LRP2: variants seen among roughly 807,000 people sequenced by gnomAD.
LRP2 encodes LDL receptor related protein 2, also known as low-density lipoprotein receptor-related protein 2.
Under a neutral mutation model 531.0 loss-of-function variants are expected in LRP2, and 172 were observed. The ratio of observed to expected loss-of-function variants is 0.32; its 90% confidence interval spans 0.29 to 0.37. The LOEUF is 0.37. LRP2 is among the 10% of genes least tolerant of loss of function. The pLI, the probability that LRP2 is intolerant of heterozygous loss-of-function variation, is 1.00. For synonymous variants in LRP2, 1,992 were observed against 2,027.6 expected (o/e 0.98, Z 0.47); for missense variants, 5,167 against 5,868.3 (o/e 0.88, Z 3.90).
chr2:169,185,497 T>A lies in LRP2; in HGVS notation c.9845+6A>T, dbSNP rs1687602208. 6.2e-7 allele frequency: 1 copy of A among 1,612,928 alleles called. No individual in the cohort carries two copies. Among genetic ancestry groups the A allele is most frequent in the Non-Finnish European group, 8.5e-7 (1 of 1,179,966 alleles). On this transcript the variant is annotated splice_donor_region_variant and intron_variant, in intron 50 of 78. Coordinates refer to ENST00000649046, the MANE Select transcript of LRP2 (RefSeq NM_004525.3). ...ACTTTTAAAAAGCTCATCAGTGTTT[T>A]CTTACCTGGAAACCCAGTCTACAGC...
intron 1 of LRP2, among the ~76,000 whole-genome samples, chr2:169,324,911 C>A (rs1685006037): frequency 6.6e-6 from 1 of 152,040 alleles, no homozygotes; most frequent in Admixed American, 6.5e-5. Flanking sequence ...TAAAACTCAG[C>A]CTGCTGAGAC....
chr2:169,148,560 C>G (rs944174203), intron 68 of LRP2, among the ~76,000 whole-genome samples: 1 of 151,986 alleles, frequency 6.6e-6, no homozygotes, highest in African/African-American at 2.4e-5. Context: ...CCCAGGAGTT[C>G]AAGGCTGCAG....
intron 3 of LRP2, among the ~76,000 whole-genome samples, chr2:169,310,675 G>A (rs997249102): frequency 6.6e-6 from 1 of 152,240 alleles, no homozygotes; most frequent in African/African-American, 2.4e-5. Context: ...TTTTTGTTGT[G>A]TCTCTGCCAG....
intron 16 of LRP2, 66 bp downstream of exon 16, chr2:169,270,834 TGTAA>T (rs1683392805): frequency 1.9e-6 from 2 of 1,025,988 alleles, no homozygotes; most frequent in African/African-American, 1.6e-5. Flanking sequence ...ATTATCAAGT[TGTAA>T]GTATCATTAC....
chr2:169,163,043 G>A lies in LRP2; in HGVS notation c.11759-443C>T, dbSNP rs147546830. Among the ~76,000 whole-genome samples the A allele has an allele frequency of 4.0e-4, 61 of 152,334 alleles. 1 individual carries two copies. In the East Asian group the frequency reaches 9.2e-3, roughly 23 times the overall value. ...AACATAGAGTGATGAGGGAAGTAGA[G>A]TACTGCCATAATAAAAACATAAAAT... On this transcript the variant is annotated intron_variant, in intron 62 of 78. Coordinates refer to ENST00000649046, the MANE Select transcript of LRP2 (RefSeq NM_004525.3).
chr2:169,169,878 A>T (rs1452393759), intron 59 of LRP2, 60 bp from the exon 60 acceptor site: 1 of 1,150,910 alleles, frequency 8.7e-7, no homozygotes, highest in Non-Finnish European at 1.3e-6. Context: ...GATATTAGGT[A>T]CCTGGAGTAT....
At chr2:169,164,959 T>C (rs1001064136) in intron 62 of LRP2, among the ~76,000 whole-genome samples, 1 of 152,178 alleles carries the variant, frequency 6.6e-6, no homozygotes, top group African/African-American at 2.4e-5. Context: ...TTTCTGGGCT[T>C]TCATGCTTTT....
At chr2:169,217,089 A>G (rs938398452) in intron 34 of LRP2, among the ~76,000 whole-genome samples, 4 of 152,128 alleles carry the variant, frequency 2.6e-5, no homozygotes, top group Non-Finnish European at 4.4e-5. Flanking sequence ...GCATTGCCAA[A>G]TCCATGATAT....
At chr2:169,270,150 T>G (rs1683364338) in intron 16 of LRP2, among the ~76,000 whole-genome samples, 1 of 152,196 alleles carries the variant, frequency 6.6e-6, no homozygotes, top group African/African-American at 2.4e-5. Context: ...ACTTTTACAC[T>G]GTTGGAGGGA....
chr2:169,264,412 A>G (rs903519615), intron 16 of LRP2, among the ~76,000 whole-genome samples: 1 of 152,012 alleles, frequency 6.6e-6, no homozygotes, highest in African/African-American at 2.4e-5. Context: ...CTAGAAACCC[A>G]ATACTACCTT....
chr2:169,284,399 G>T (rs1243781795), intron 9 of LRP2, among the ~76,000 whole-genome samples: 1 of 150,998 alleles, frequency 6.6e-6, no homozygotes, highest in Admixed American at 6.6e-5. Context: ...CGAGTAGCTG[G>T]AACTACAGGT....
chr2:169,128,646 C>T lies in LRP2; in HGVS notation c.*17G>A, dbSNP rs201376615. On this transcript the variant is annotated 3_prime_UTR_variant, in exon 79 of 79. Coordinates refer to ENST00000649046, the MANE Select transcript of LRP2 (RefSeq NM_004525.3). Reference sequence around the variant, plus strand: ...GCAAAAGTGTGTTTCTAATTATTCCCTAAATAGCTGGTATAGCTATACTTC... The same window carrying T: ...GCAAAAGTGTGTTTCTAATTATTCCTTAAATAGCTGGTATAGCTATACTTC... 3.9e-5 allele frequency: 63 copies of T among 1,610,454 alleles called. No homozygotes were observed. Among genetic ancestry groups the T allele is most frequent in the Middle Eastern group, 1.7e-4 (1 of 6,052 alleles).
chr2:169,319,139 T>C (rs1224598381), intron 2 of LRP2, among the ~76,000 whole-genome samples: 3 of 152,154 alleles, frequency 2.0e-5, no homozygotes, highest in African/African-American at 7.2e-5. Context: ...ACAGCACACA[T>C]ACACACAAAA....
At chr2:169,234,551 G>C (rs62172639) in intron 29 of LRP2, among the ~76,000 whole-genome samples, 5,681 of 152,302 alleles carry the variant, frequency 0.037, 151 homozygotes, top group South Asian at 0.099. Context: ...TTAGTTCCAA[G>C]TCTTTGCTAT....
chr2:169,273,119 C>T (rs527975101), intron 14 of LRP2, 52 bp from the exon 15 acceptor site: 2 of 1,607,434 alleles, frequency 1.2e-6, no homozygotes, highest in African/African-American at 1.3e-5. Flanking sequence ...GTGTAATTAT[C>T]CAAGACATGA....
At chr2:169,216,215 T>A (rs1688781453) in intron 35 of LRP2, 38 bp downstream of exon 35, 25 of 1,606,574 alleles carry the variant, frequency 1.6e-5, no homozygotes, top group Non-Finnish European at 2.0e-5. Flanking sequence ...CTACACCAGC[T>A]CAGCATAAAG....
At chr2:169,277,209 A>T (rs1054150058) in intron 13 of LRP2, among the ~76,000 whole-genome samples, 1 of 151,826 alleles carries the variant, frequency 6.6e-6, no homozygotes, top group Non-Finnish European at 1.5e-5. Context: ...AAAAAAAAAA[A>T]AAAGAAAGCC....
chr2:169,261,476 T>C (rs1390590259), intron 16 of LRP2, among the ~76,000 whole-genome samples: 1 of 151,098 alleles, frequency 6.6e-6, no homozygotes, highest in Non-Finnish European at 1.5e-5. Context: ...CATTAGCTAA[T>C]TTGATTTCTG....
rs371954164 is a variant in LRP2, at chr2:169,193,420, G to C, written c.8830+341C>G. Among the ~76,000 whole-genome samples, 7 of 115,030 alleles carry C rather than the reference G, an allele frequency of 6.1e-5. No homozygotes were observed. The Admixed American group carries it at 7.4e-4, about 12-fold the overall frequency. 75.5% of individuals were successfully genotyped at this position (115,030 alleles called of 152,430 possible). A position where few individuals can be genotyped will look rare whatever the true frequency, so the allele number is the denominator to read the frequency against. On this transcript the variant is annotated intron_variant, in intron 47 of 78. Coordinates refer to ENST00000649046, the MANE Select transcript of LRP2 (RefSeq NM_004525.3). ...CACTCCAGCCTGGGCAACAGAGTAA[G>C]ACCTTGTCAAAAAAAAAAAAAAAGA...
Sources: gnomAD v4.1 joint callset for allele counts (sites outside exome capture counted in the v4.1 genomes callset) on GRCh38, gnomAD v4.1.1 for gene constraint, MANE v1.5 for transcripts, NCBI Gene and HGNC (gene_info 2026-07-23, HGNC 2026-07-21) for gene names.